The following DEFB124 variants were observed in gnomAD, a reference collection of about 807,000 sequenced individuals.
DEFB124 encodes beta-defensin 124.
For missense variants in DEFB124, 78 were observed against 83.1 expected (o/e 0.94, Z 0.24); for synonymous variants, 38 against 36.5 (o/e 1.04, Z -0.15).
At chr20:31,465,807 G>C in intron 2 of DEFB124, 144 bp from the exon 3 acceptor site, 1 of 979,524 alleles carries the variant, frequency 1.0e-6, no homozygotes, top group Non-Finnish European at 1.5e-6. Flanking sequence ...ACAGATGAGA[G>C]TACTGATTAC....
chr20:31,474,018 T>G (rs61400431), intron 1 of DEFB124, among the ~76,000 whole-genome samples: 6,112 of 152,088 alleles, frequency 0.04, 399 homozygotes, highest in African/African-American at 0.14. Flanking sequence ...CCTAGAAGAG[T>G]AGGGCATGAG....
intron 2 of DEFB124, 38 bp from the exon 3 acceptor site, chr20:31,465,701 T>C (rs2122442954): frequency 6.2e-7 from 1 of 1,607,996 alleles, no homozygotes; most frequent in Non-Finnish European, 8.5e-7. Flanking sequence ...GAGCAGCCCA[T>C]GGGTCACACG....
At chr20:31,472,437 G>C (rs1445712568) in intron 2 of DEFB124, among the ~76,000 whole-genome samples, 1 of 138,800 alleles carries the variant, frequency 7.2e-6, no homozygotes, top group Admixed American at 7.2e-5. Context: ...GGAGAGGGGA[G>C]AAGGGAGAGG....
At chr20:31,471,251 A>C (rs1335854807) in intron 2 of DEFB124, among the ~76,000 whole-genome samples, 3 of 107,354 alleles carry the variant, frequency 2.8e-5, no homozygotes, top group Admixed American at 2.0e-4. Flanking sequence ...GCTTCCCAGT[A>C]GGGGCGGCTG....
intron 2 of DEFB124, among the ~76,000 whole-genome samples, chr20:31,470,177 C>T (rs564142554): frequency 7.0e-6 from 1 of 143,746 alleles, no homozygotes; most frequent in Non-Finnish European, 1.5e-5. Context: ...CCTCACCTCC[C>T]GGACGGGGCG....
chr20:31,471,372 A>C lies in DEFB124; in HGVS notation c.58+1584T>G, dbSNP rs1158002148. 9.2e-4 allele frequency among the ~76,000 whole-genome samples: 38 copies of C among 41,450 alleles called. 1 individual carries two copies. Among genetic ancestry groups the C allele is most frequent in the Non-Finnish European group, 1.2e-3 (26 of 21,724 alleles). The allele number at this position is 41,450 out of a possible 152,430, so 27.2% of individuals were successfully genotyped here. A position where few individuals can be genotyped will look rare whatever the true frequency, so the allele number is the denominator to read the frequency against. ...TGGCCGGGCGGGGGCTGACCCCCCCACCTCCCTCCCGGACGGGGCGGCTGG... is the reference window on the plus strand; with the variant it reads ...TGGCCGGGCGGGGGCTGACCCCCCCCCCTCCCTCCCGGACGGGGCGGCTGG... On this transcript the variant is annotated intron_variant, in intron 2 of 2. Coordinates refer to ENST00000317676, the MANE Select transcript of DEFB124 (RefSeq NM_001037500.2).
In DEFB124 at chr20:31,473,026, C is replaced by T; in HGVS notation, c.-13G>A. The stretch of plus-strand genomic sequence containing the variant: ...GCAGCTGTGTCATGGCCACGGGGCT[C>T]CTGGGGAGGCTGCTGGAGAGAGCAC... On this transcript the variant is annotated 5_prime_UTR_variant, in exon 2 of 3. Coordinates refer to ENST00000317676, the MANE Select transcript of DEFB124 (RefSeq NM_001037500.2). 1 of 1,613,858 alleles carries T rather than the reference C, an allele frequency of 6.2e-7. No homozygotes were observed. The highest frequency in any genetic ancestry group is 8.5e-7 in the Non-Finnish European group (1 of 1,179,970).
intron 2 of DEFB124, among the ~76,000 whole-genome samples, chr20:31,469,395 AC>A (rs1222799518): frequency 2.0e-5 from 3 of 152,210 alleles, no homozygotes; most frequent in African/African-American, 7.2e-5. Context: ...TGCACGAGCA[AC>A]AAGAATGAAA....
intron 2 of DEFB124, among the ~76,000 whole-genome samples, chr20:31,469,163 C>A (rs930464507): frequency 6.6e-6 from 1 of 152,170 alleles, no homozygotes; most frequent in Non-Finnish European, 1.5e-5. Context: ...TGGCTCATGT[C>A]TGTAATCCTA....
chr20:31,470,693 C>A (rs539455763), intron 2 of DEFB124, among the ~76,000 whole-genome samples: 1 of 139,084 alleles, frequency 7.2e-6, no homozygotes, highest in Non-Finnish European at 1.6e-5. Flanking sequence ...GGGCGGCTGG[C>A]TGGGCGGGGG....
chr20:31,474,089 C>A (rs1980408685), intron 1 of DEFB124, among the ~76,000 whole-genome samples: 1 of 152,190 alleles, frequency 6.6e-6, no homozygotes, highest in African/African-American at 2.4e-5. Context: ...TAGGTTGGGG[C>A]TTGAATGCCA....
intron 2 of DEFB124, among the ~76,000 whole-genome samples, chr20:31,470,027 G>C (rs1430250702): frequency 1.3e-5 from 2 of 148,586 alleles, no homozygotes; most frequent in African/African-American, 5.1e-5. Context: ...AGGGGCGGCC[G>C]GGCAGAGGCG....
chr20:31,469,358 G>A (rs371678144), intron 2 of DEFB124, among the ~76,000 whole-genome samples: 1 of 152,202 alleles, frequency 6.6e-6, no homozygotes, highest in Non-Finnish European at 1.5e-5. Flanking sequence ...GGGAGGCAGA[G>A]GTTGCAGTGA....
chr20:31,466,531 C>T (rs572607654), intron 2 of DEFB124, among the ~76,000 whole-genome samples: 113 of 150,314 alleles, frequency 7.5e-4, no homozygotes, highest in African/African-American at 2.5e-3. Context: ...ACCCGGAAGG[C>T]GGAGGCTGCA....
intron 1 of DEFB124, among the ~76,000 whole-genome samples, chr20:31,473,365 CT>C (rs1678786921): frequency 6.6e-6 from 1 of 152,168 alleles, no homozygotes; most frequent in Admixed American, 6.5e-5. Flanking sequence ...GCATCTCCCC[CT>C]AACTGCTGTG....
chr20:31,472,371 T>TC (rs564175613), intron 2 of DEFB124, among the ~76,000 whole-genome samples: 451 of 145,598 alleles, frequency 3.1e-3, no homozygotes, highest in African/African-American at 0.011. Flanking sequence ...CAGCTTCGGC[T>TC]CGGCATCAGA....
chr20:31,466,063 A>C (rs891896736), intron 2 of DEFB124, among the ~76,000 whole-genome samples: 1 of 152,138 alleles, frequency 6.6e-6, no homozygotes, highest in African/African-American at 2.4e-5. Flanking sequence ...AGACTGAGGC[A>C]GGAGAATCAC....
intron 2 of DEFB124, among the ~76,000 whole-genome samples, chr20:31,466,532 G>A (rs902649629): frequency 8.6e-5 from 13 of 150,502 alleles, no homozygotes; most frequent in East Asian, 1.9e-4. Flanking sequence ...CCCGGAAGGC[G>A]GAGGCTGCAG....
At chr20:31,471,143 C>T (rs1980278306) in intron 2 of DEFB124, among the ~76,000 whole-genome samples, 1 of 135,734 alleles carries the variant, frequency 7.4e-6, no homozygotes, top group South Asian at 2.4e-4. Context: ...GGGTTGACCC[C>T]CCCACCTCCC....
Sources: allele counts gnomAD v4.1 joint callset (sites outside exome capture counted in the v4.1 genomes callset), GRCh38; gene constraint gnomAD v4.1.1; transcripts MANE v1.5; gene names NCBI Gene and HGNC (gene_info 2026-07-23, HGNC 2026-07-21).